Variants in SLC24A3 observed in about 807,000 individuals in gnomAD.
SLC24A3 encodes the protein sodium/potassium/calcium exchanger 3.
SLC24A3 carries 28 observed loss-of-function variants against 75.8 expected under a neutral mutation model. That is an observed-to-expected ratio of 0.37 (90% CI 0.27 to 0.51). The LOEUF (loss-of-function observed/expected upper bound fraction) is 0.51. SLC24A3 is among the 20% of genes least tolerant of loss of function. SLC24A3 has a pLI of 0.94. For missense variants in SLC24A3, 663 were observed against 847.8 expected, an observed-to-expected ratio of 0.78 and a Z score of 2.71; for synonymous variants, 372 against 334.1, an observed-to-expected ratio of 1.11 and a Z score of -1.24.
At chr20:19,710,356 G>A (rs1458839987) in intron 15 of SLC24A3, among the ~76,000 whole-genome samples, 2 of 152,184 alleles carry the variant, frequency 1.3e-5, no homozygotes, top group African/African-American at 2.4e-5. Flanking sequence ...TGGTATGAAT[G>A]AGTATCTGTG....
At chr20:19,279,817 G>A (rs111295472) in intron 1 of SLC24A3, among the ~76,000 whole-genome samples, 2,265 of 152,266 alleles carry the variant, frequency 0.015, 66 homozygotes, top group African/African-American at 0.052. Flanking sequence ...GTGATGCCCA[G>A]AAAAAGGCCT....
intron 2 of SLC24A3, among the ~76,000 whole-genome samples, chr20:19,300,164 T>G (rs1188357217): frequency 6.6e-6 from 1 of 152,238 alleles, no homozygotes; most frequent in African/African-American, 2.4e-5. Context: ...TTCTCTTACA[T>G]GAAGTGACTC....
Position 19,405,436 on chromosome 20 carries a change from C to T in SLC24A3, c.272-110052C>T, listed in dbSNP as rs758328122. On this transcript the variant is annotated intron_variant, in intron 2 of 16. Coordinates refer to ENST00000328041, the MANE Select transcript of SLC24A3 (RefSeq NM_020689.4). ...TGTTTGAGAAAACAAAATGTTGGTG[C>T]GCCTTCTGTCAGTGGCATTCTAGCT... Among the ~76,000 whole-genome samples the T allele has an allele frequency of 4.6e-5, 7 of 152,136 alleles. No homozygotes were observed. In the South Asian group the frequency reaches 6.2e-4, roughly 14 times the overall value.
intron 2 of SLC24A3, among the ~76,000 whole-genome samples, chr20:19,417,861 G>A (rs1986853623): frequency 6.6e-6 from 1 of 152,170 alleles, no homozygotes; most frequent in Admixed American, 6.5e-5. Flanking sequence ...ACTGAATGGT[G>A]AGACCCCTGC....
At chr20:19,490,784 A>G (rs1408699517) in intron 2 of SLC24A3, among the ~76,000 whole-genome samples, 1 of 152,120 alleles carries the variant, frequency 6.6e-6, no homozygotes, top group Non-Finnish European at 1.5e-5. Context: ...CTAGGGGGCA[A>G]ATGGGGACTT....
At chr20:19,291,225 T>G (rs1210315663) in intron 2 of SLC24A3, among the ~76,000 whole-genome samples, 1 of 152,162 alleles carries the variant, frequency 6.6e-6, no homozygotes, top group Admixed American at 6.5e-5. Flanking sequence ...CTCTGGTGCT[T>G]CGGGGTGGAA....
At chr20:19,346,104 TA>T (rs2122316118) in intron 2 of SLC24A3, among the ~76,000 whole-genome samples, 1 of 68,350 alleles carries the variant, frequency 1.5e-5, no homozygotes, top group East Asian at 4.5e-4. Flanking sequence ...TATATATATA[TA>T]TATGGTGTGT....
chr20:19,459,907 C>T (rs111937587), intron 2 of SLC24A3, among the ~76,000 whole-genome samples: 9 of 152,256 alleles, frequency 5.9e-5, no homozygotes, highest in African/African-American at 9.6e-5. Context: ...TCAATTGTGC[C>T]GCTATAAATC....
intron 1 of SLC24A3, among the ~76,000 whole-genome samples, chr20:19,276,355 C>G (rs1983486868): frequency 6.6e-6 from 1 of 152,148 alleles, no homozygotes; most frequent in Non-Finnish European, 1.5e-5. Context: ...ACTGCTGTTC[C>G]CAATTCAGTC....
intron 15 of SLC24A3, among the ~76,000 whole-genome samples, chr20:19,710,654 C>T (rs1196657386): frequency 6.6e-6 from 1 of 152,210 alleles, no homozygotes; most frequent in African/African-American, 2.4e-5. Flanking sequence ...TCTAGTTCAA[C>T]ACTGTGCAGG....
At chr20:19,325,795 T>TAGAGAGAG (rs745745496) in intron 2 of SLC24A3, among the ~76,000 whole-genome samples, 27 of 67,792 alleles carry the variant, frequency 4.0e-4, no homozygotes, top group Admixed American at 1.2e-3. Flanking sequence ...TATATATATA[T>TAGAGAGAG]AGAGAGAGAG....
chr20:19,564,610 A>T (rs749413037), intron 3 of SLC24A3, among the ~76,000 whole-genome samples: 10 of 152,196 alleles, frequency 6.6e-5, no homozygotes, highest in Non-Finnish European at 1.0e-4. Context: ...GAACTTATAC[A>T]TCCAAGTAGC....
intron 11 of SLC24A3, 108 bp downstream of exon 11, chr20:19,684,444 AC>A: frequency 2.4e-6 from 3 of 1,263,692 alleles, no homozygotes; most frequent in Non-Finnish European, 3.3e-6. Context: ...AAAGTTTAAC[AC>A]CGCAGCATCC....
chr20:19,494,149 C>G, intron 2 of SLC24A3, among the ~76,000 whole-genome samples: 1 of 152,184 alleles, frequency 6.6e-6, no homozygotes, highest in Non-Finnish European at 1.5e-5. Flanking sequence ...ATGTGCCCAG[C>G]AGAGATGCTG....
At chr20:19,670,228 G>C (rs1007421414) in intron 8 of SLC24A3, among the ~76,000 whole-genome samples, 3 of 152,120 alleles carry the variant, frequency 2.0e-5, no homozygotes, top group African/African-American at 7.2e-5. Flanking sequence ...GGGCCCTGAA[G>C]AGCATTAGGC....
intron 3 of SLC24A3, among the ~76,000 whole-genome samples, chr20:19,576,189 TGTG>T (rs1251046948): frequency 6.6e-6 from 1 of 152,102 alleles, no homozygotes; most frequent in Non-Finnish European, 1.5e-5. Context: ...CAGTGGCAAA[TGTG>T]ATTATTATTA....
chr20:19,679,008 C>T (rs1448373746), intron 9 of SLC24A3, among the ~76,000 whole-genome samples: 2 of 151,710 alleles, frequency 1.3e-5, no homozygotes, highest in African/African-American at 4.8e-5. Flanking sequence ...AGACGCTCCT[C>T]ACTTTCCAGA....
intron 6 of SLC24A3, among the ~76,000 whole-genome samples, chr20:19,625,790 C>A (rs1358859561): frequency 6.6e-6 from 1 of 152,162 alleles, no homozygotes; most frequent in African/African-American, 2.4e-5. Flanking sequence ...CAGTTGGGCA[C>A]AAGTGAATGC....
At chr20:19,433,648 T>G (rs11908099) in intron 2 of SLC24A3, among the ~76,000 whole-genome samples, 6,250 of 152,150 alleles carry the variant, frequency 0.041, 413 homozygotes, top group African/African-American at 0.14. Context: ...ATATAAAGTA[T>G]TAATAGAAAA....
Sources: allele counts gnomAD v4.1 joint callset (sites outside exome capture counted in the v4.1 genomes callset), GRCh38; gene constraint gnomAD v4.1.1; transcripts MANE v1.5; gene names NCBI Gene and HGNC (gene_info 2026-07-23, HGNC 2026-07-21).